Variants in NR3C2 observed in about 807,000 individuals in gnomAD.
NR3C2 encodes the protein nuclear receptor subfamily 3 group C member 2, also known as mineralocorticoid receptor.
NR3C2 carries 15 observed loss-of-function variants against 86.4 expected under a neutral mutation model. The ratio of observed to expected loss-of-function variants is 0.17; its 90% CI spans 0.12 to 0.27. The LOEUF is 0.27. Ranked by LOEUF, NR3C2 falls within the 10% of genes least tolerant of loss-of-function variation. NR3C2 has a pLI of 1.00. For missense variants in NR3C2, 960 were observed against 1,195.6 expected (o/e 0.80, Z 2.91); for synonymous variants, 458 against 450.5 (o/e 1.02, Z -0.21).
chr4:148,282,308 G>A (rs955406747), intron 2 of NR3C2, among the ~76,000 whole-genome samples: 7 of 152,158 alleles, frequency 4.6e-5, no homozygotes, highest in Admixed American at 3.9e-4. Context: ...GGGATTACAG[G>A]TGTGAGCCAC....
chr4:148,381,822 C>T (rs61763849), intron 2 of NR3C2, among the ~76,000 whole-genome samples: 5 of 152,140 alleles, frequency 3.3e-5, no homozygotes, highest in African/African-American at 4.8e-5. Context: ...GCTCTGTTAA[C>T]GCTTGTGTGT....
intron 2 of NR3C2, among the ~76,000 whole-genome samples, chr4:148,394,854 A>T (rs1286875400): frequency 1.3e-5 from 2 of 152,178 alleles, no homozygotes; most frequent in Non-Finnish European, 2.9e-5. Flanking sequence ...GAACTTATAG[A>T]TCTGGCTAAG....
chr4:148,159,749 C>T (rs941632899), intron 4 of NR3C2, among the ~76,000 whole-genome samples: 2 of 152,144 alleles, frequency 1.3e-5, no homozygotes, highest in Non-Finnish European at 2.9e-5. Context: ...GCTTCAAATC[C>T]AAGTGTGTAA....
chr4:148,274,909 G>C lies in NR3C2; in HGVS notation c.1758-14792C>G, dbSNP rs1740887394. On this transcript the variant is annotated intron_variant, in intron 2 of 8. Transcript: ENST00000358102. The stretch of plus-strand genomic sequence containing the variant: ...GATGGGGTTTTACCATGTTAGCTAG[G>C]CTGGTCTCGAACTCCTGACCTCAGG... Among the ~76,000 whole-genome samples, 3 of 151,924 alleles carry C rather than the reference G, an allele frequency of 2.0e-5. No individual in the cohort carries two copies. In the South Asian group the frequency reaches 6.2e-4, roughly 32 times the overall value.
At chr4:148,442,691 G>A (rs931439997), upstream of NR3C2, 2 of 985,306 alleles carry the variant, frequency 2.0e-6, no homozygotes, top group Non-Finnish European at 2.4e-6. Flanking sequence ...ATACAAAGTT[G>A]CTGCGACACA....
intron 2 of NR3C2, among the ~76,000 whole-genome samples, chr4:148,434,484 T>C (rs1442867812): frequency 6.6e-6 from 1 of 152,182 alleles, no homozygotes; most frequent in African/African-American, 2.4e-5. Flanking sequence ...AAAGCAAGAT[T>C]GTCCACTTAG....
At chr4:148,172,912 T>C (rs1378382030) in intron 4 of NR3C2, among the ~76,000 whole-genome samples, 1 of 152,238 alleles carries the variant, frequency 6.6e-6, no homozygotes, top group East Asian at 1.9e-4. Flanking sequence ...TAACAAATTA[T>C]AAACATATAT....
chr4:148,338,645 G>A (rs1744605808), intron 2 of NR3C2, among the ~76,000 whole-genome samples: 1 of 152,156 alleles, frequency 6.6e-6, no homozygotes, highest in African/African-American at 2.4e-5. Flanking sequence ...CTTGGTCACG[G>A]CACAAAGGAG....
chr4:148,200,246 C>G (rs1341829445), intron 3 of NR3C2, among the ~76,000 whole-genome samples: 1 of 152,210 alleles, frequency 6.6e-6, no homozygotes, highest in Admixed American at 6.5e-5. Context: ...TTCCTCTCTT[C>G]TGGGTTTCAG....
intron 4 of NR3C2, among the ~76,000 whole-genome samples, chr4:148,171,755 G>C (rs1047197873): frequency 5.9e-5 from 9 of 152,100 alleles, no homozygotes; most frequent in African/African-American, 2.2e-4. Context: ...CAGCTGGAAG[G>C]CTTCTCTATT....
chr4:148,204,481 G>C (rs1736900209), intron 3 of NR3C2, among the ~76,000 whole-genome samples: 1 of 152,064 alleles, frequency 6.6e-6, no homozygotes, highest in Admixed American at 6.6e-5. Context: ...AAATCCTATG[G>C]GGGGAGTCCT....
chr4:148,222,215 T>C (rs958443773), intron 3 of NR3C2, among the ~76,000 whole-genome samples: 2 of 152,212 alleles, frequency 1.3e-5, no homozygotes, highest in African/African-American at 4.8e-5. Flanking sequence ...AATTCAAATA[T>C]ATCTTATGAA....
chr4:148,367,273 T>C (rs947244791), intron 2 of NR3C2, among the ~76,000 whole-genome samples: 4 of 152,168 alleles, frequency 2.6e-5, no homozygotes, highest in Non-Finnish European at 4.4e-5. Flanking sequence ...ACGAATGCAA[T>C]TGCTTGAGCC....
chr4:148,306,084 T>C (rs935983964), intron 2 of NR3C2, among the ~76,000 whole-genome samples: 1 of 152,230 alleles, frequency 6.6e-6, no homozygotes, highest in African/African-American at 2.4e-5. Context: ...TTTGTTTGCA[T>C]AGTACTTTAC....
chr4:148,106,005 A>G (rs1358502781), intron 8 of NR3C2, among the ~76,000 whole-genome samples: 1 of 152,164 alleles, frequency 6.6e-6, no homozygotes, highest in Non-Finnish European at 1.5e-5. Context: ...CCTATTCTAC[A>G]TAGTACTGGA....
intron 2 of NR3C2, among the ~76,000 whole-genome samples, chr4:148,277,613 A>G (rs573395002): frequency 3.3e-5 from 5 of 152,208 alleles, no homozygotes; most frequent in Non-Finnish European, 1.5e-5. Flanking sequence ...TATTAAAACA[A>G]ATTTTTAAAA....
chr4:148,101,290 A>G (rs767307684), intron 8 of NR3C2, among the ~76,000 whole-genome samples: 14 of 152,350 alleles, frequency 9.2e-5, no homozygotes, highest in South Asian at 6.2e-4. Context: ...ACTGTTGGTA[A>G]GCACTATGAA....
intron 6 of NR3C2, among the ~76,000 whole-genome samples, chr4:148,133,174 C>T (rs1334392302): frequency 7.0e-6 from 1 of 143,384 alleles, no homozygotes; most frequent in Non-Finnish European, 1.5e-5. Flanking sequence ...GCCTGGACGA[C>T]AGGAGTAAGA....
At chr4:148,333,468 C>G (rs551177424) in intron 2 of NR3C2, among the ~76,000 whole-genome samples, 45 of 151,912 alleles carry the variant, frequency 3.0e-4, no homozygotes, top group Non-Finnish European at 5.0e-4. Context: ...TAGATATAAC[C>G]ATGTGACTAA....
Sources: allele counts gnomAD v4.1 joint callset (sites outside exome capture counted in the v4.1 genomes callset), GRCh38; gene constraint gnomAD v4.1.1; transcripts MANE v1.5; gene names NCBI Gene and HGNC (gene_info 2026-07-23, HGNC 2026-07-21).